Variants in TENM3 observed in about 807,000 individuals in gnomAD.
TENM3 encodes teneurin transmembrane protein 3.
In TENM3, 63 loss-of-function variants were observed where a neutral mutation model predicts 255.1. That is an observed-to-expected ratio of 0.25 (90% CI 0.20 to 0.30). The LOEUF (loss-of-function observed/expected upper bound fraction) is 0.30. Among genes scored for constraint, TENM3 ranks in the 10% least tolerant of loss-of-function variants. The probability of loss-of-function intolerance (pLI) is 1.00; values close to 1 mark genes in which losing one functional copy is unlikely to be tolerated. For missense variants in TENM3, 2,929 were observed against 3,461.1 expected, an observed-to-expected ratio of 0.85 and a Z score of 3.86; for synonymous variants, 1,306 against 1,322.3, an observed-to-expected ratio of 0.99 and a Z score of 0.27.
In TENM3 at chr4:182,628,857, T is replaced by G. The variant is rs575673115; in HGVS notation, c.956T>G (p.Val319Gly). 1 of 1,607,490 alleles carries G rather than the reference T, an allele frequency of 6.2e-7. No individual in the cohort carries two copies. The highest frequency in any genetic ancestry group is 1.1e-5 in the South Asian group (1 of 89,546). ...GCACTGTGTGCCGTAGGGGTCTCGG[T>G]GCTCCTGGCAATACTCCTGTCTTAT... ...CTALCAVGVS[V>G]LLAILLSYFI... The change falls in exon 5 of 28, where the codon GTG (valine) becomes GGG (glycine). Residue 319 changes from valine (V) to glycine (G), a missense_variant. Val to Gly is a moderately radical substitution (Grantham distance 109, BLOSUM62 -3). Around this residue, in one of 6 missense-constraint regions of TENM3, gnomAD observed 1,608 missense variants for 1,884.4 expected, o/e 0.85. Transcript: ENST00000511685.
At chr4:181,947,277 G>T in the TENM3 span, among the ~76,000 whole-genome samples, 1 of 152,122 alleles carries the variant, frequency 6.6e-6, no homozygotes, top group Non-Finnish European at 1.5e-5. Flanking sequence ...AGTCTATTTT[G>T]CTATTTTTAA....
the TENM3 span, among the ~76,000 whole-genome samples, chr4:181,767,816 T>C: frequency 6.6e-6 from 1 of 152,212 alleles, no homozygotes; most frequent in African/African-American, 2.4e-5. Flanking sequence ...TATTTTAATA[T>C]AGTCTATTAA....
chr4:181,674,424 A>C, the TENM3 span, among the ~76,000 whole-genome samples: 1 of 152,062 alleles, frequency 6.6e-6, no homozygotes, highest in African/African-American at 2.4e-5. Flanking sequence ...TGAAAAAAAA[A>C]AAAACTCATG....
intron 1 of TENM3, among the ~76,000 whole-genome samples, chr4:182,271,670 A>G (rs1040359484): frequency 6.6e-6 from 1 of 152,236 alleles, no homozygotes; most frequent in African/African-American, 2.4e-5. Context: ...AGCAGTGGCG[A>G]TATTTTTACG....
chr4:181,583,874 CA>C, the TENM3 span, among the ~76,000 whole-genome samples: 1 of 152,162 alleles, frequency 6.6e-6, no homozygotes, highest in Non-Finnish European at 1.5e-5. Context: ...TTCTTGTTTT[CA>C]ACTCAAAATC....
At chr4:182,002,722 TAAG>T in the TENM3 span, among the ~76,000 whole-genome samples, 1 of 152,114 alleles carries the variant, frequency 6.6e-6, no homozygotes, top group African/African-American at 2.4e-5. Flanking sequence ...TGCCCTTATT[TAAG>T]AATACTAATA....
the TENM3 span, among the ~76,000 whole-genome samples, chr4:181,581,657 A>T: frequency 2.7e-4 from 41 of 152,152 alleles, no homozygotes; most frequent in Admixed American, 2.7e-3. Flanking sequence ...ACCTGTGGAA[A>T]AATACTATAC....
the TENM3 span, among the ~76,000 whole-genome samples, chr4:181,521,897 C>T: frequency 6.6e-6 from 1 of 151,884 alleles, no homozygotes; most frequent in Non-Finnish European, 1.5e-5. Flanking sequence ...GAGATCGAGA[C>T]CATCCTGGCT....
the TENM3 span, among the ~76,000 whole-genome samples, chr4:181,609,339 C>G: frequency 6.6e-6 from 1 of 152,114 alleles, no homozygotes; most frequent in South Asian, 2.1e-4. Context: ...TTCATAATAG[C>G]CAGTGAAGAG....
the TENM3 span, among the ~76,000 whole-genome samples, chr4:181,840,751 C>T: frequency 8.5e-5 from 13 of 152,058 alleles, no homozygotes; most frequent in Non-Finnish European, 1.6e-4. Context: ...AGAATACACA[C>T]ATGGTATGAG....
At chr4:181,752,274 T>G in the TENM3 span, among the ~76,000 whole-genome samples, 1 of 152,106 alleles carries the variant, frequency 6.6e-6, no homozygotes, top group Admixed American at 6.6e-5. Context: ...TAAAATGGAA[T>G]GTAGGTATCT....
At chr4:182,534,115 A>C (rs1404397731) in intron 3 of TENM3, among the ~76,000 whole-genome samples, 1 of 152,192 alleles carries the variant, frequency 6.6e-6, no homozygotes, top group Admixed American at 6.5e-5. Flanking sequence ...AACATCAAAG[A>C]AATTGAAGTC....
In TENM3 at chr4:182,468,824, T is replaced by TTGTGTGTGTG. The variant is rs66517986; in HGVS notation, c.511+121933_511+121942dup. Among the ~76,000 whole-genome samples the TTGTGTGTGTG allele has an allele frequency of 2.2e-3, 322 of 143,848 alleles. 2 individuals carry two copies. Among genetic ancestry groups the TTGTGTGTGTG allele is most frequent in the Middle Eastern group, 0.011 (3 of 282 alleles). The allele number at this position is 143,848 out of a possible 152,430, so 94.4% of individuals were successfully genotyped here. A position where few individuals can be genotyped will look rare whatever the true frequency, so the allele number is the denominator to read the frequency against. On this transcript the variant is annotated intron_variant, in intron 3 of 27. Coordinates refer to ENST00000511685, the MANE Select transcript of TENM3 (RefSeq NM_001080477.4). ...TGAAAATAAAAAAAATCCTGTGTGCTTGTGTGTGTGTGTGTGTGTGTGTGT... is the reference window on the plus strand; with the variant it reads ...TGAAAATAAAAAAAATCCTGTGTGCTTGTGTGTGTGTGTGTGTGTGTGTGTGTGTGTGTGT...
rs1725831865 is a variant in TENM3 at position 182,789,420 on chromosome 4, GA to G, written c.5601+34del. 6.3e-7 allele frequency: 1 copy of G among 1,583,816 alleles called. No individual in the cohort carries two copies. Among genetic ancestry groups the G allele is most frequent in the Non-Finnish European group, 8.6e-7 (1 of 1,160,230 alleles). Reference sequence around the variant, plus strand: ...CCTGCAAACTAAGCTCAACAATAGGGAAAGGATAATTCACATTTTTCAGCAA... The same window carrying G: ...CCTGCAAACTAAGCTCAACAATAGGGAAGGATAATTCACATTTTTCAGCAA... On this transcript the variant is annotated intron_variant, in intron 25 of 27. Transcript: ENST00000511685. This position sits in a 1 kb window ranked among gnomAD's most constrained non-coding sequence, Gnocchi z 4.4.
At chr4:182,444,675 T>A (rs539538809) in intron 3 of TENM3, among the ~76,000 whole-genome samples, 1 of 152,334 alleles carries the variant, frequency 6.6e-6, no homozygotes, top group Non-Finnish European at 1.5e-5. Context: ...TTTTTTTATT[T>A]TGCTCCTTCT....
chr4:181,939,777 C>T, the TENM3 span, among the ~76,000 whole-genome samples: 19 of 152,300 alleles, frequency 1.2e-4, no homozygotes, highest in South Asian at 1.0e-3. Context: ...AACCCCAAGG[C>T]GGAGAGGTGT....
the TENM3 span, among the ~76,000 whole-genome samples, chr4:182,131,100 C>T: frequency 6.6e-6 from 1 of 152,120 alleles, no homozygotes. Flanking sequence ...TTTCAATAGA[C>T]CTTTCTTATA....
the TENM3 span, among the ~76,000 whole-genome samples, chr4:181,755,765 G>A: frequency 1.3e-5 from 2 of 151,912 alleles, no homozygotes; most frequent in African/African-American, 4.8e-5. Context: ...GGATTGCTGT[G>A]GGAATAGACT....
At position 182,679,801 on chromosome 4, in the gene TENM3, T is replaced by C. The variant is rs1755987903; in HGVS notation, c.1462T>C (p.Ser488Pro). The change falls in exon 8 of 28, where the codon TCT becomes CCT. Residue 488 changes from serine to proline, a missense_variant. This residue lies in a region of TENM3 where 1,608 missense variants were observed against 1,884.4 expected (regional missense o/e 0.85). Transcript: ENST00000511685. ...GGCCGGCTTTATCCAGTACTTGGATTCTGGAATCTGGCATCTGGCTTTTTA... is the reference window on the plus strand; with the variant it reads ...GGCCGGCTTTATCCAGTACTTGGATCCTGGAATCTGGCATCTGGCTTTTTA... ...HEAGFIQYLD[S>P]GIWHLAFYND... 6.2e-7 allele frequency: 1 copy of C among 1,613,846 alleles called. No homozygotes were observed.
Sources: allele counts gnomAD v4.1 joint callset (sites outside exome capture counted in the v4.1 genomes callset), GRCh38; gene constraint gnomAD v4.1.1; regional missense constraint gnomAD v4.1.1; non-coding constraint Gnocchi (gnomAD v3.1); transcripts MANE v1.5; gene names NCBI Gene and HGNC (gene_info 2026-07-23, HGNC 2026-07-21).